NEDD4: variants seen among roughly 807,000 people sequenced by gnomAD.
NEDD4 encodes NEDD4 E3 ubiquitin protein ligase.
A neutral mutation model predicts 144.9 loss-of-function variants in NEDD4; 99 were observed. That is an observed-to-expected ratio of 0.68 (90% CI 0.58 to 0.81). The LOEUF (loss-of-function observed/expected upper bound fraction) is 0.81, where lower values mean the gene tolerates loss of function less well. Ranked by LOEUF, NEDD4 falls within the 30% of genes least tolerant of loss-of-function variation. The probability of loss-of-function intolerance (pLI) is 0.00; values close to 1 mark genes in which losing one functional copy is unlikely to be tolerated. For missense variants in NEDD4, 985 were observed against 1,065.9 expected, an observed-to-expected ratio of 0.92 and a Z score of 1.06; for synonymous variants, 318 against 350.6, an observed-to-expected ratio of 0.91 and a Z score of 1.04.
intron 5 of NEDD4, among the ~76,000 whole-genome samples, chr15:55,923,056 T>A (rs577493340): frequency 6.6e-6 from 1 of 151,324 alleles, no homozygotes; most frequent in Non-Finnish European, 1.5e-5. Context: ...AGGAGGCGGG[T>A]GCCTGTAATC....
chr15:55,888,917 ACTC>A (rs1386841661), intron 5 of NEDD4, among the ~76,000 whole-genome samples: 6 of 152,124 alleles, frequency 3.9e-5, no homozygotes, highest in African/African-American at 1.4e-4. Flanking sequence ...AACAAACTAG[ACTC>A]CTATTTCTCA....
At chr15:55,867,242 G>T (rs1278633076) in intron 8 of NEDD4, among the ~76,000 whole-genome samples, 2 of 152,112 alleles carry the variant, frequency 1.3e-5, no homozygotes, top group African/African-American at 4.8e-5. Flanking sequence ...GACTCCTCTA[G>T]TCATTAGCTA....
At position 55,860,428 on chromosome 15, in the gene NEDD4, C is replaced by T. The variant is rs1270242718; in HGVS notation, c.939G>A (p.Val313=). The change falls in exon 11 of 29, where the codon GTG becomes GTA. Residue 313 remains valine, a synonymous_variant. Coordinates refer to ENST00000435532, the MANE Select transcript of NEDD4 (RefSeq NM_006154.4). ...ARLTIFGNSA[V]SQPASSSNHS... is the part of the protein sequence containing the mutation. The stretch of plus-strand genomic sequence containing the variant: ...TTACTGAGCTCGATGCTGGCTGGCT[C>T]ACGGCTGAATTTCCAAAAATGGTGA... 1.2e-6 allele frequency: 2 copies of T among 1,614,092 alleles called. No individual in the cohort carries two copies. The highest frequency in any genetic ancestry group is 1.1e-5 in the South Asian group (1 of 91,076).
chr15:55,845,769 G>A (rs2033712962), intron 18 of NEDD4, among the ~76,000 whole-genome samples: 1 of 150,172 alleles, frequency 6.7e-6, no homozygotes, highest in Non-Finnish European at 1.5e-5. Flanking sequence ...GGGAAATTTC[G>A]ACACAAAGTT....
chr15:55,852,138 A>T (rs2034006271), intron 13 of NEDD4, among the ~76,000 whole-genome samples: 1 of 151,926 alleles, frequency 6.6e-6, no homozygotes, highest in Non-Finnish European at 1.5e-5. Context: ...TCTACTAAAA[A>T]TACAAAAATT....
intron 4 of NEDD4, among the ~76,000 whole-genome samples, chr15:55,949,415 A>T (rs1330336044): frequency 4.6e-5 from 7 of 152,180 alleles, no homozygotes; most frequent in African/African-American, 7.2e-5. Context: ...GATCTAGAAC[A>T]AGAAATACCA....
intron 13 of NEDD4, 110 bp from the exon 14 acceptor site, chr15:55,850,852 G>A: frequency 1.1e-6 from 1 of 895,406 alleles, no homozygotes; most frequent in Non-Finnish European, 1.6e-6. Flanking sequence ...CTCCATTAAA[G>A]AGACTCTAAA....
chr15:55,961,437 T>A (rs907934763), intron 2 of NEDD4, among the ~76,000 whole-genome samples: 1 of 152,084 alleles, frequency 6.6e-6, no homozygotes, highest in Non-Finnish European at 1.5e-5. Flanking sequence ...ACAATAAATG[T>A]ACGTTCTTTT....
chr15:55,847,026 G>C lies in NEDD4; in HGVS notation c.1551C>G (p.Pro517=). ...ENVAITGPAV[P]YSRDYKRKYE... Reference sequence around the variant, plus strand: ...ACTTTCTTTTGTAATCCCTGGAGTAGGGCACTGCCTTTAGTTGGAAATTTT... The same window carrying C: ...ACTTTCTTTTGTAATCCCTGGAGTACGGCACTGCCTTTAGTTGGAAATTTT... Residue 517 remains proline, a synonymous_variant, in exon 18 of 29, where the codon CCC becomes CCG. Transcript: ENST00000435532. The C allele has an allele frequency of 6.2e-7, 1 of 1,604,246 alleles. No individual in the cohort carries two copies. Among genetic ancestry groups the C allele is most frequent in the Non-Finnish European group, 8.5e-7 (1 of 1,174,650 alleles).
At chr15:55,970,620 G>C (rs1374701222) in intron 1 of NEDD4, among the ~76,000 whole-genome samples, 1 of 152,162 alleles carries the variant, frequency 6.6e-6, no homozygotes, top group East Asian at 1.9e-4. Context: ...TAAGAGAAGA[G>C]AACAAGAGTC....
chr15:55,912,873 T>C (rs976837273), intron 5 of NEDD4, among the ~76,000 whole-genome samples: 2 of 152,180 alleles, frequency 1.3e-5, no homozygotes, highest in African/African-American at 2.4e-5. Context: ...TGTTATGTTG[T>C]TTGCTATGCC....
At chr15:55,939,055 A>G (rs527398132) in intron 4 of NEDD4, among the ~76,000 whole-genome samples, 1 of 152,314 alleles carries the variant, frequency 6.6e-6, no homozygotes, top group Admixed American at 6.5e-5. Context: ...GCAATAAGCC[A>G]TGATTGTGCC....
chr15:55,831,867 C>T (rs2032968151), intron 27 of NEDD4, among the ~76,000 whole-genome samples: 1 of 152,164 alleles, frequency 6.6e-6, no homozygotes, highest in Non-Finnish European at 1.5e-5. Flanking sequence ...ACTTTAGGTA[C>T]ATCCTTTGTA....
chr15:55,838,398 T>C, intron 22 of NEDD4, 111 bp downstream of exon 22: 1 of 805,102 alleles, frequency 1.2e-6, no homozygotes, highest in Middle Eastern at 2.4e-4. Context: ...CTTTTGTTAC[T>C]GGGAAATGAA....
In NEDD4 at chr15:55,955,576, G is replaced by T. The variant is rs930886460; in HGVS notation, c.120-3987C>A. Among the ~76,000 whole-genome samples, 5 of 151,830 alleles carry T rather than the reference G, an allele frequency of 3.3e-5. No homozygotes were observed. The South Asian group carries it at 6.2e-4, about 19-fold the overall frequency. On this transcript the variant is annotated intron_variant, in intron 2 of 28. Coordinates refer to ENST00000435532, the MANE Select transcript of NEDD4 (RefSeq NM_006154.4). ...GTAAACATGCAGTATCTGTCTTTCT[G>T]TGACTGTCTTATTTCAGTTAGTGTA...
intron 5 of NEDD4, among the ~76,000 whole-genome samples, chr15:55,914,459 A>G (rs2036371267): frequency 6.6e-6 from 1 of 152,004 alleles, no homozygotes; most frequent in Non-Finnish European, 1.5e-5. Flanking sequence ...GAGTTAAATT[A>G]CTAATATAAT....
At chr15:55,905,242 A>AAT (rs1434084782) in intron 5 of NEDD4, 13 of 455,402 alleles carry the variant, frequency 2.9e-5, no homozygotes, top group Non-Finnish European at 5.7e-5. Flanking sequence ...GAACTTATAT[A>AAT]AAGGAATCAC....
intron 5 of NEDD4, chr15:55,916,816 G>A (rs150200430): frequency 2.1e-5 from 34 of 1,601,654 alleles, no homozygotes; most frequent in Non-Finnish European, 2.8e-5. Flanking sequence ...AAGTGCAATC[G>A]TAAGCTTTGT....
intron 12 of NEDD4, among the ~76,000 whole-genome samples, chr15:55,854,998 G>C (rs866983949): frequency 2.0e-5 from 3 of 152,118 alleles, no homozygotes; most frequent in Non-Finnish European, 4.4e-5. Flanking sequence ...AGCTTGAGCG[G>C]GCTCTGATCT....
Sources: allele counts gnomAD v4.1 joint callset (sites outside exome capture counted in the v4.1 genomes callset), GRCh38; gene constraint gnomAD v4.1.1; transcripts MANE v1.5; gene names NCBI Gene and HGNC (gene_info 2026-07-23, HGNC 2026-07-21).